BCKDHB: variants seen among roughly 807,000 people sequenced by gnomAD.
BCKDHB encodes the protein branched chain keto acid dehydrogenase E1 subunit beta.
Under a neutral mutation model 48.5 loss-of-function variants are expected in BCKDHB, and 41 were observed. The observed-to-expected ratio is 0.85, with a 90% CI of 0.66 to 1.10. The LOEUF (loss-of-function observed/expected upper bound fraction) is 1.10, where lower values mean the gene tolerates loss of function less well. Ranked by LOEUF, BCKDHB falls within the 50% of genes least tolerant of loss-of-function variation. The pLI, the probability that BCKDHB is intolerant of heterozygous loss-of-function variation, is 0.00. For missense variants in BCKDHB, 496 were observed against 494.2 expected, an observed-to-expected ratio of 1.00 and a Z score of -0.03; for synonymous variants, 201 against 174.8, an observed-to-expected ratio of 1.15 and a Z score of -1.18.
In BCKDHB at chr6:80,324,792, C is replaced by T. The variant is rs568314600; in HGVS notation, c.1039-18872C>T. On this transcript the variant is annotated intron_variant, in intron 9 of 9. Transcript: ENST00000320393. ...GACAGAGCATCTCAAAGTTGACTTC[C>T]CTCATGGTGGCCATATGGCTCCAGC... Among the ~76,000 whole-genome samples, 5 of 152,252 alleles carry T rather than the reference C, an allele frequency of 3.3e-5. No homozygotes were observed. In the South Asian group the frequency reaches 1.0e-3, roughly 32 times the overall value.
intron 8 of BCKDHB, among the ~76,000 whole-genome samples, chr6:80,222,927 A>C (rs922785549): frequency 2.0e-5 from 3 of 152,134 alleles, no homozygotes; most frequent in Admixed American, 6.5e-5. Context: ...CTTTTTACTT[A>C]GTTTCTTAGC....
the BCKDHB span, among the ~76,000 whole-genome samples, chr6:80,357,655 T>G: frequency 1.3e-5 from 2 of 152,214 alleles, no homozygotes; most frequent in African/African-American, 4.8e-5. Context: ...GTGCAGATAA[T>G]TTTTAATTGT....
downstream of BCKDHB, among the ~76,000 whole-genome samples, chr6:80,347,517 A>G (rs1414566300): frequency 6.6e-6 from 1 of 152,194 alleles, no homozygotes; most frequent in African/African-American, 2.4e-5. Context: ...GTAGTTAAAC[A>G]TACTGATTTT....
chr6:80,340,621 A>G (rs183034433), intron 9 of BCKDHB, among the ~76,000 whole-genome samples: 46 of 152,370 alleles, frequency 3.0e-4, no homozygotes, highest in African/African-American at 1.1e-3. Flanking sequence ...TATGGTTTTT[A>G]AGTTATGGAA....
intron 3 of BCKDHB, among the ~76,000 whole-genome samples, chr6:80,153,516 A>G (rs976246518): frequency 7.2e-5 from 11 of 152,154 alleles, no homozygotes; most frequent in Admixed American, 2.0e-4. Flanking sequence ...GGATCCTTAA[A>G]GACCATGCAA....
At chr6:80,449,869 G>A in the BCKDHB span, among the ~76,000 whole-genome samples, 1 of 152,104 alleles carries the variant, frequency 6.6e-6, no homozygotes, top group African/African-American at 2.4e-5. Context: ...AAATATTTAA[G>A]CATTTAGCTT....
chr6:80,206,449 A>T (rs940288498), intron 8 of BCKDHB, among the ~76,000 whole-genome samples: 1 of 152,036 alleles, frequency 6.6e-6, no homozygotes, highest in South Asian at 2.1e-4. Context: ...TATTGGAGTT[A>T]GCAGACAAGA....
intron 9 of BCKDHB, among the ~76,000 whole-genome samples, chr6:80,289,433 C>T (rs1180493467): frequency 6.6e-6 from 1 of 152,080 alleles, no homozygotes; most frequent in Non-Finnish European, 1.5e-5. Flanking sequence ...TGACTAGATG[C>T]AGCCAGGAAG....
chr6:80,308,326 T>C (rs989077812), intron 9 of BCKDHB, among the ~76,000 whole-genome samples: 4 of 152,174 alleles, frequency 2.6e-5, no homozygotes, highest in Non-Finnish European at 4.4e-5. Flanking sequence ...CATCATATGA[T>C]AGTAATTTAA....
At chr6:80,134,489 T>G (rs1770786997) in intron 3 of BCKDHB, among the ~76,000 whole-genome samples, 1 of 152,164 alleles carries the variant, frequency 6.6e-6, no homozygotes, top group African/African-American at 2.4e-5. Flanking sequence ...ACTTTGGGCC[T>G]CAGTATCCTC....
At chr6:80,328,522 T>C (rs1340761434) in intron 9 of BCKDHB, among the ~76,000 whole-genome samples, 1 of 152,212 alleles carries the variant, frequency 6.6e-6, no homozygotes, top group Non-Finnish European at 1.5e-5. Flanking sequence ...GTTAGCTGAT[T>C]GGAATTAACT....
At chr6:80,127,448 G>A in intron 1 of BCKDHB, 99 bp from the exon 2 acceptor site, 1 of 949,182 alleles carries the variant, frequency 1.1e-6, no homozygotes, top group Non-Finnish European at 1.7e-6. Context: ...ATCTTTCTTT[G>A]TACCTTGATT....
At chr6:80,455,542 C>T in the BCKDHB span, among the ~76,000 whole-genome samples, 1 of 149,596 alleles carries the variant, frequency 6.7e-6, no homozygotes, top group Non-Finnish European at 1.5e-5. Context: ...CTCCTTTATA[C>T]CATGCAGTAA....
intron 9 of BCKDHB, among the ~76,000 whole-genome samples, chr6:80,320,520 A>C (rs1398844431): frequency 1.3e-5 from 2 of 152,200 alleles, no homozygotes; most frequent in Non-Finnish European, 2.9e-5. Flanking sequence ...GTTCTTCACT[A>C]ATAGGACCCA....
At chr6:80,426,252 T>C in the BCKDHB span, among the ~76,000 whole-genome samples, 1,255 of 152,316 alleles carry the variant, frequency 8.2e-3, 18 homozygotes, top group African/African-American at 0.029. Context: ...GTTGAATTCA[T>C]TTGGCTATCT....
At chr6:80,335,797 T>C (rs978918322) in intron 9 of BCKDHB, among the ~76,000 whole-genome samples, 6 of 152,038 alleles carry the variant, frequency 3.9e-5, no homozygotes, top group Admixed American at 6.6e-5. Flanking sequence ...TTCAAGACTA[T>C]GCAGGGGAGA....
At chr6:80,269,129 A>G (rs999545874) in intron 8 of BCKDHB, among the ~76,000 whole-genome samples, 1 of 152,118 alleles carries the variant, frequency 6.6e-6, no homozygotes, top group African/African-American at 2.4e-5. Context: ...GACATTCTGC[A>G]TTGGTTAATT....
At chr6:80,106,644 C>A (rs958531671), upstream of BCKDHB, 1 of 1,534,020 alleles carries the variant, frequency 6.5e-7, no homozygotes, top group Non-Finnish European at 8.8e-7. Context: ...CCGCCCTCCC[C>A]GCAGGCGGCG....
At chr6:80,288,787 T>C (rs1766759251) in intron 9 of BCKDHB, among the ~76,000 whole-genome samples, 1 of 152,066 alleles carries the variant, frequency 6.6e-6, no homozygotes, top group Non-Finnish European at 1.5e-5. Flanking sequence ...TATTTTTTTT[T>C]CTTAAATACT....
Sources: allele counts gnomAD v4.1 joint callset (sites outside exome capture counted in the v4.1 genomes callset), GRCh38; gene constraint gnomAD v4.1.1; transcripts MANE v1.5; gene names NCBI Gene and HGNC (gene_info 2026-07-23, HGNC 2026-07-21).